The following PACRGL variants were observed in gnomAD, a reference collection of about 807,000 sequenced individuals.
PACRGL encodes PACRG-like protein.
PACRGL carries 38 observed loss-of-function variants against 34.5 expected under a neutral mutation model. That is an observed-to-expected ratio of 1.10 (90% CI 0.85 to 1.44). The LOEUF is 1.44. Among genes scored for constraint, PACRGL ranks in the 40% most tolerant of loss-of-function variants. The pLI is 0.00. For synonymous variants in PACRGL, 128 were observed against 100.1 expected, an observed-to-expected ratio of 1.28 and a Z score of -1.66; for missense variants, 305 against 281.4, an observed-to-expected ratio of 1.08 and a Z score of -0.60.
intron 8 of PACRGL, among the ~76,000 whole-genome samples, chr4:20,740,833 C>T (rs1424243895): frequency 6.6e-6 from 1 of 152,056 alleles, no homozygotes; most frequent in African/African-American, 2.4e-5. Context: ...CCCATCTCGC[C>T]TGCAGAGACA....
chr4:20,709,986 T>C lies in PACRGL; in HGVS notation c.366+213T>C, dbSNP rs185366873. On this transcript the variant is annotated intron_variant, in intron 5 of 8. Transcript: ENST00000503585. ...ATGAGCTTTATAAACATGGAATTAG[T>C]CTGCATAGGGATTTGTAGATAACTA... 1.3e-5 allele frequency: 6 copies of C among 475,944 alleles called. No individual in the cohort carries two copies. In the East Asian group the frequency reaches 1.7e-4, roughly 14 times the overall value. 29.5% of individuals were successfully genotyped at this position (475,944 alleles called of 1,614,324 possible). A position where few individuals can be genotyped will look rare whatever the true frequency, so the allele number is the denominator to read the frequency against.
intron 7 of PACRGL, among the ~76,000 whole-genome samples, chr4:20,719,984 T>C (rs1295636604): frequency 6.6e-6 from 1 of 152,166 alleles, no homozygotes; most frequent in Admixed American, 6.5e-5. Flanking sequence ...TGTAGGTCAC[T>C]CAGGACTTGC....
chr4:20,748,560 T>A lies in PACRGL; in HGVS notation c.*57-4005T>A, dbSNP rs34545035. 5.5e-3 allele frequency among the ~76,000 whole-genome samples: 355 copies of A among 64,750 alleles called. 21 individuals are homozygous for A. The highest frequency in any genetic ancestry group is 0.013 in the African/African-American group (190 of 14,172). 42.5% of individuals were successfully genotyped at this position (64,750 alleles called of 152,430 possible). ...CAAAAATAAATGCACCTTCCAAATT[T>A]TATATATATATATATATATATATAT... On this transcript the variant is annotated intron_variant, in intron 8 of 8. Coordinates refer to the PACRGL transcript ENST00000507634.
chr4:20,753,713 A>G (rs1230136916), downstream of PACRGL, among the ~76,000 whole-genome samples: 1 of 152,200 alleles, frequency 6.6e-6, no homozygotes, highest in East Asian at 1.9e-4. Flanking sequence ...TTCTGTCAAT[A>G]AGCCCTCTGT....
the PACRGL span, among the ~76,000 whole-genome samples, chr4:20,759,817 A>G: frequency 1.3e-5 from 2 of 152,020 alleles, no homozygotes; most frequent in Non-Finnish European, 2.9e-5. Flanking sequence ...AGTGGTGGAG[A>G]CTGACAATCA....
intron 3 of PACRGL, among the ~76,000 whole-genome samples, chr4:20,706,775 C>T (rs912371768): frequency 5.3e-5 from 8 of 152,032 alleles, no homozygotes; most frequent in African/African-American, 9.7e-5. Context: ...GGGGTTTCAC[C>T]GTGTTAGCCA....
chr4:20,731,618 A>G lies in PACRGL; in HGVS notation c.*4277A>G, dbSNP rs574894786. ...TAGAAGCTTGGCCTGTTGTGATGCC[A>G]TACTTGGCTATCTAGGAATTCTAAT... On this transcript the variant is annotated 3_prime_UTR_variant, in exon 9 of 9. Coordinates refer to ENST00000503585, the MANE Select transcript of PACRGL (RefSeq NM_001258345.3). 1.0e-6 allele frequency: 1 copy of G among 985,258 alleles called. No homozygotes were observed. Among genetic ancestry groups the G allele is most frequent in the Admixed American group, 6.1e-5 (1 of 16,274 alleles). The allele number at this position is 985,258 out of a possible 1,614,324, so 61.0% of individuals were successfully genotyped here. A position where few individuals can be genotyped will look rare whatever the true frequency, so the allele number is the denominator to read the frequency against.
chr4:20,714,981 T>C (rs1483685081), intron 7 of PACRGL, among the ~76,000 whole-genome samples: 3 of 152,112 alleles, frequency 2.0e-5, no homozygotes, highest in South Asian at 2.1e-4. Context: ...ACACGTATGT[T>C]TATCGTGGCA....
At chr4:20,758,028 C>A in the PACRGL span, among the ~76,000 whole-genome samples, 2 of 152,144 alleles carry the variant, frequency 1.3e-5, no homozygotes, top group Admixed American at 1.3e-4. Context: ...GTATAACATT[C>A]TTTTGGGCAG....
chr4:20,709,154 A>T (rs1349371593), intron 4 of PACRGL, among the ~76,000 whole-genome samples: 1 of 152,076 alleles, frequency 6.6e-6, no homozygotes, highest in Non-Finnish European at 1.5e-5. Flanking sequence ...AAAAGCAGTT[A>T]AAAGAAGCAG....
downstream of PACRGL, among the ~76,000 whole-genome samples, chr4:20,754,276 C>T (rs1433482594): frequency 6.6e-6 from 1 of 152,136 alleles, no homozygotes; most frequent in Non-Finnish European, 1.5e-5. Flanking sequence ...ATAGAGAAAG[C>T]TAACAGCCTG....
At chr4:20,713,403 A>T in intron 6 of PACRGL, 29 bp from the exon 7 acceptor site, 1 of 1,554,856 alleles carries the variant, frequency 6.4e-7, no homozygotes, top group African/African-American at 1.4e-5. Flanking sequence ...CCTGATGTCC[A>T]TACATCCCCC....
downstream of PACRGL, among the ~76,000 whole-genome samples, chr4:20,757,722 T>C (rs1041416019): frequency 6.6e-6 from 1 of 152,114 alleles, no homozygotes; most frequent in Non-Finnish European, 1.5e-5. Flanking sequence ...ACTATACACT[T>C]TGGAAATGGA....
rs764259730 is a variant in PACRGL, at chr4:20,713,512, C to T, written c.582C>T (p.Asn194=). Residue 194 remains asparagine (N), a synonymous_variant, in exon 7 of 9, where the codon AAC becomes AAT. Coordinates refer to ENST00000503585, the MANE Select transcript of PACRGL (RefSeq NM_001258345.3). ...GTGTCGTTGTTGGTCCTTCTCTAAACGACCATCTGAAGCATCTGCTTACAA... is the reference window on the plus strand; with the variant it reads ...GTGTCGTTGTTGGTCCTTCTCTAAATGACCATCTGAAGCATCTGCTTACAA... ...QLSVVVGPSL[N]DHLKHLLTSL... 4.2e-5 allele frequency: 67 copies of T among 1,612,914 alleles called. No homozygotes were observed. The highest frequency in any genetic ancestry group is 9.9e-5 in the South Asian group (9 of 91,044).
the PACRGL span, among the ~76,000 whole-genome samples, chr4:20,766,225 A>G: frequency 2.0e-4 from 30 of 152,318 alleles, no homozygotes; most frequent in Admixed American, 1.7e-3. Flanking sequence ...AAATTAGAAA[A>G]TAGCAGATCT....
chr4:20,748,142 C>T (rs1752755877), intron 8 of PACRGL, among the ~76,000 whole-genome samples: 1 of 152,108 alleles, frequency 6.6e-6, no homozygotes, highest in Non-Finnish European at 1.5e-5. Flanking sequence ...TACAAAGGCT[C>T]CTCATCTCCT....
At chr4:20,726,667 C>T (rs1745786573) in intron 8 of PACRGL, among the ~76,000 whole-genome samples, 1 of 151,982 alleles carries the variant, frequency 6.6e-6, no homozygotes, top group Non-Finnish European at 1.5e-5. Flanking sequence ...TTTCTTGGGA[C>T]TTGTGTATAT....
intron 8 of PACRGL, among the ~76,000 whole-genome samples, chr4:20,743,690 C>A (rs1185841947): frequency 6.6e-6 from 1 of 151,986 alleles, no homozygotes; most frequent in Non-Finnish European, 1.5e-5. Context: ...TAGGCAATAC[C>A]ATTCAGGACA....
At chr4:20,733,207 AT>A (rs1409525022), downstream of PACRGL, among the ~76,000 whole-genome samples, 2 of 152,216 alleles carry the variant, frequency 1.3e-5, no homozygotes, top group East Asian at 3.8e-4. Flanking sequence ...ACCATTTAGA[AT>A]TAGTGAAATT....
Sources: allele counts gnomAD v4.1 joint callset (sites outside exome capture counted in the v4.1 genomes callset), GRCh38; gene constraint gnomAD v4.1.1; transcripts MANE v1.5; gene names NCBI Gene and HGNC (gene_info 2026-07-23, HGNC 2026-07-21).